The following PLEC variants were observed in gnomAD, a reference collection of about 807,000 sequenced individuals.
PLEC encodes the protein hemidesmosomal protein 1.
In PLEC, 216 loss-of-function variants were observed where a neutral mutation model predicts 392.8. That is an observed-to-expected ratio of 0.55 (90% confidence interval 0.49 to 0.62). The LOEUF is 0.62. Ranked by LOEUF, PLEC falls within the 20% of genes least tolerant of loss-of-function variation. The pLI is 0.00. For synonymous variants in PLEC, 3,621 were observed against 2,980.6 expected, an observed-to-expected ratio of 1.21 and a Z score of -7.00; for missense variants, 6,863 against 6,563.4, an observed-to-expected ratio of 1.05 and a Z score of -1.58.
Position 143,945,074 on chromosome 8 carries a change from A to C in PLEC, c.523+5110T>G, listed in dbSNP as rs368391362. On this transcript the variant is annotated intron_variant, in intron 1 of 31. Transcript: ENST00000322810. ...GCAGTCCCCACCCACCTGCCCTGCC[A>C]AGCCAGGGGGTGCTCTTGGAAAGGC... 521 of 401,438 alleles carry C rather than the reference A, an allele frequency of 1.3e-3. 2 individuals are homozygous for C. The highest frequency in any genetic ancestry group is 0.011 in the African/African-American group (480 of 41,858). 24.9% of individuals were successfully genotyped at this position (401,438 alleles called of 1,614,324 possible).
At chr8:143,958,060 C>T (rs1832688414), upstream of PLEC, among the ~76,000 whole-genome samples, 1 of 152,236 alleles carries the variant, frequency 6.6e-6, no homozygotes, top group South Asian at 2.1e-4. This position sits in a 1 kb window ranked among gnomAD's most constrained non-coding sequence, Gnocchi z 4.9. Context: ...CTCTGCTCCC[C>T]GCCTGAGCCT....
chr8:143,942,113 C>A (rs913448565), upstream of PLEC, among the ~76,000 whole-genome samples: 1 of 152,120 alleles, frequency 6.6e-6, no homozygotes, highest in Non-Finnish European at 1.5e-5. Context: ...AAACCCAGGC[C>A]AAAGCCCAGG....
At position 143,920,167 on chromosome 8, in the gene PLEC, C is replaced by T. The variant is rs1586814243; in HGVS notation, c.9654G>A (p.Arg3218=). The T allele has an allele frequency of 6.2e-7, 1 of 1,612,468 alleles. No individual in the cohort carries two copies. Among genetic ancestry groups the T allele is most frequent in the Non-Finnish European group, 8.5e-7 (1 of 1,179,984 alleles). ...CTGAGTAGAGCTCCTCCTGCCGGGC[C>T]CGAGCAGCCTTTTCTGAGAGCGGCA... is the stretch of plus-strand genomic sequence containing the variant. ...SLLPLSEKAA[R]ARQEELYSEL... The change falls in exon 32 of 32, where the codon CGG becomes CGA. Residue 3218 remains arginine (R), a synonymous_variant. Transcript: ENST00000345136.
At position 143,973,512 on chromosome 8, in the gene PLEC, G is replaced by A; in HGVS notation, c.-40C>T. On this transcript the variant is annotated 5_prime_UTR_variant, in exon 1 of 32. Coordinates refer to the PLEC transcript ENST00000356346. This position sits in a 1 kb window ranked among gnomAD's most constrained non-coding sequence, Gnocchi z 5.6. ...GGCGCGGGGTGCAGCGGAGCCTCCA[G>A]CACCCGGCGGCCACTCTGTCCCCGC... The A allele has an allele frequency of 7.4e-7, 1 of 1,345,900 alleles. No individual in the cohort carries two copies. The highest frequency in any genetic ancestry group is 9.6e-7 in the Non-Finnish European group (1 of 1,040,344). 83.4% of individuals were successfully genotyped at this position (1,345,900 alleles called of 1,614,324 possible).
Position 143,920,539 on chromosome 8 carries a change from C to A in PLEC, c.9282G>T (p.Lys3094Asn), listed in dbSNP as rs1554682151. Residue 3094 changes from lysine (K) to asparagine (N), a missense_variant, in exon 32 of 32, where the codon AAG (lysine) becomes AAT (asparagine). Lys to Asn is a moderately conservative substitution (Grantham distance 94, BLOSUM62 0). Transcript: ENST00000345136. ...AGLVGPEFHE[K>N]LLSAEKAVTG... is the part of the protein sequence containing the mutation. ...TCACAGCCTTCTCGGCTGATAGCAGCTTCTCATGAAACTCGGGGCCCACCA... is the reference window on the plus strand; with the variant it reads ...TCACAGCCTTCTCGGCTGATAGCAGATTCTCATGAAACTCGGGGCCCACCA... 1 of 1,611,490 alleles carries A rather than the reference C, an allele frequency of 6.2e-7. No individual in the cohort carries two copies. The highest frequency in any genetic ancestry group is 1.3e-5 in the African/African-American group (1 of 74,934).
upstream of PLEC, among the ~76,000 whole-genome samples, chr8:143,958,072 C>A (rs543103537): frequency 9.2e-5 from 14 of 152,190 alleles, no homozygotes; most frequent in Admixed American, 2.6e-4. This position sits in a 1 kb window ranked among gnomAD's most constrained non-coding sequence, Gnocchi z 4.9. Context: ...CCTGAGCCTG[C>A]GGCAGGTCCA....
Position 143,932,513 on chromosome 8 carries a change from C to A in PLEC, c.1864G>T (p.Val622Leu), listed in dbSNP as rs1356690324. 44 of 1,612,516 alleles carry A rather than the reference C, an allele frequency of 2.7e-5. No homozygotes were observed. The highest frequency in any genetic ancestry group is 3.5e-5 in the Non-Finnish European group (41 of 1,179,972). Residue 622 changes from valine (V) to leucine (L), a missense_variant, in exon 16 of 32, where the codon GTG becomes TTG. Val to Leu is a conservative substitution (Grantham distance 32). Transcript: ENST00000345136. ...ATTAGCTCCTTAGTGGCGGCTGCCA[C>A]AAAGCTGTGCAAGCTCTCCAGGGAC... ...LRSLESLHSF[V>L]AAATKELMWL...
rs1821509841 is a variant in PLEC at position 143,918,882 on chromosome 8, G to A, written c.10939C>T (p.Leu3647Phe). 1 of 1,612,356 alleles carries A rather than the reference G, an allele frequency of 6.2e-7. No individual in the cohort carries two copies. The highest frequency in any genetic ancestry group is 8.5e-7 in the Non-Finnish European group (1 of 1,179,996). The change falls in exon 32 of 32, where the codon CTC becomes TTC. Residue 3647 changes from leucine (L) to phenylalanine (F), a missense_variant. Transcript: ENST00000345136. ...LASYDYVRRR[L>F]TAEDLFEARI... ...GCCTCGAACAGGTCCTCAGCCGTGA[G>A]GCGGCGGCGCACGTAGTCGTAGGAG...
rs782348004 is a variant in PLEC, at chr8:143,916,538, A to G, written c.13283T>C (p.Val4428Ala). The G allele has an allele frequency of 2.0e-5, 33 of 1,611,754 alleles. No homozygotes were observed. Among genetic ancestry groups the G allele is most frequent in the Non-Finnish European group, 2.6e-5 (31 of 1,179,488 alleles). ...GGTGAGGTACTTGGAGTAGGCGCCC[A>G]CGTCACGCAGCTTCTGTGCGGTGCG... ...DARTAQKLRDVGAYSKYLTCP... is the reference protein window; with the variant it reads ...DARTAQKLRDAGAYSKYLTCP... Residue 4428 changes from valine to alanine, a missense_variant, in exon 32 of 32, where the codon GTG becomes GCG. Coordinates refer to ENST00000345136, the MANE Select transcript of PLEC (RefSeq NM_201384.3).
rs782350068 is a variant in PLEC, at chr8:143,922,524, G to A, written c.7405C>T (p.Leu2469=). The A allele has an allele frequency of 1.2e-5, 19 of 1,610,946 alleles. No homozygotes were observed. Among genetic ancestry groups the A allele is most frequent in the Non-Finnish European group, 1.5e-5 (18 of 1,180,008 alleles). The stretch of plus-strand genomic sequence containing the variant: ...GGTACCTCCTCAGACTTGAGCTGCA[G>A]CAGTTTGGCCTCCTGTTGGAGCTTC... The part of the protein sequence containing the change: ...KEKLQQEAKL[L]QLKSEEMQTV... Residue 2469 remains leucine, a synonymous_variant, in exon 31 of 32, where the codon CTG becomes TTG. Transcript: ENST00000345136.
At chr8:143,930,704 A>G (rs1554714380) in intron 19 of PLEC, among the ~76,000 whole-genome samples, 168 bp from the exon 20 acceptor site, 1 of 152,092 alleles carries the variant, frequency 6.6e-6, no homozygotes. Context: ...GTTGGCCCCA[A>G]GCAGACCCAT....
chr8:143,959,974 G>T (rs989643236), intron 1 of PLEC, among the ~76,000 whole-genome samples: 1 of 147,896 alleles, frequency 6.8e-6, no homozygotes, highest in South Asian at 2.1e-4. Flanking sequence ...GTGAGACTCC[G>T]TCTCAAAAAA....
At chr8:143,951,108 T>C (rs1468811272), upstream of PLEC, among the ~76,000 whole-genome samples, 1 of 151,978 alleles carries the variant, frequency 6.6e-6, no homozygotes, top group Non-Finnish European at 1.5e-5. Flanking sequence ...ACGTCAGAAA[T>C]GACATCAGTT....
rs369578286 is a variant in PLEC, at chr8:143,919,414, G to T, written c.10407C>A (p.Ile3469=). 6.8e-6 allele frequency: 11 copies of T among 1,613,310 alleles called. No homozygotes were observed. Among genetic ancestry groups the T allele is most frequent in the Middle Eastern group, 1.7e-4 (1 of 6,056 alleles). The change falls in exon 32 of 32, where the codon ATC becomes ATA. Residue 3469 remains isoleucine, a synonymous_variant. Coordinates refer to ENST00000345136, the MANE Select transcript of PLEC (RefSeq NM_201384.3). ...CGGGGTCGATGATGCCGCCCGTGGC[G>T]ATCTGGGCCTCCAGCAGGCGGATGC... ...QHGIRLLEAQ[I]ATGGIIDPVH... is the part of the protein sequence containing the mutation.
chr8:143,954,433 A>G (rs1048227499), upstream of PLEC, among the ~76,000 whole-genome samples: 2 of 151,932 alleles, frequency 1.3e-5, no homozygotes, highest in East Asian at 3.9e-4. This position sits in a 1 kb window ranked among gnomAD's most constrained non-coding sequence, Gnocchi z 4.6. Context: ...TGCCTCTCCC[A>G]CCCAGCCTCA....
rs1373849479 is a variant in PLEC at position 143,929,188 on chromosome 8, C to G, written c.3175G>C (p.Ala1059Pro). ...KVLALPEPSPAAPTLRSELEL... is the reference protein window; with the variant it reads ...KVLALPEPSPPAPTLRSELEL... Reference sequence around the variant, plus strand: ...AGCTCCGAGCGCAGCGTGGGGGCCGCAGGCGATGGCTCTGGTAGGGCCAAG... The same window carrying G: ...AGCTCCGAGCGCAGCGTGGGGGCCGGAGGCGATGGCTCTGGTAGGGCCAAG... Residue 1059 changes from alanine (A) to proline (P), a missense_variant, in exon 25 of 32, where the codon GCG becomes CCG. Ala to Pro is a conservative substitution (Grantham distance 27, BLOSUM62 -1). Transcript: ENST00000345136. The G allele has an allele frequency of 6.2e-7, 1 of 1,600,122 alleles. No individual in the cohort carries two copies. The highest frequency in any genetic ancestry group is 2.2e-5 in the East Asian group (1 of 44,478).
At chr8:143,929,031 G>A (rs890734763) in intron 25 of PLEC, 72 bp downstream of exon 25, 19 of 1,384,544 alleles carry the variant, frequency 1.4e-5, no homozygotes, top group Admixed American at 3.9e-5. Flanking sequence ...GCACCCTCCT[G>A]CAAGGTCACA....
rs782104758 is a variant in PLEC at position 143,921,514 on chromosome 8, C to T, written c.8307G>A (p.Ser2769=). 16 of 1,612,916 alleles carry T rather than the reference C, an allele frequency of 9.9e-6. No homozygotes were observed. Among genetic ancestry groups the T allele is most frequent in the South Asian group, 7.7e-5 (7 of 91,054 alleles). ...TGTAGCCAGTGACGGCGCGCTCGGC[C>T]GACAGCAGCTTGTGGTGCAGCTCGG... is the stretch of plus-strand genomic sequence containing the variant. ...VGPELHHKLL[S]AERAVTGYKD... The change falls in exon 32 of 32, where the codon TCG becomes TCA. Residue 2769 remains serine, a synonymous_variant. Transcript: ENST00000345136.
intron 12 of PLEC, among the ~76,000 whole-genome samples, chr8:143,933,652 C>G (rs1321229870): frequency 1.3e-5 from 2 of 152,212 alleles, no homozygotes; most frequent in Non-Finnish European, 2.9e-5. Context: ...TGTAATGCCA[C>G]GTGGGCCCTG....
Sources: gnomAD v4.1 joint callset for allele counts (sites outside exome capture counted in the v4.1 genomes callset) on GRCh38, gnomAD v4.1.1 for gene constraint, Gnocchi (gnomAD v3.1) non-coding constraint, MANE v1.5 for transcripts, NCBI Gene and HGNC (gene_info 2026-07-23, HGNC 2026-07-21) for gene names.